The following USP42 variants were observed in gnomAD, a reference collection of about 807,000 sequenced individuals.
The protein encoded by USP42 is ubiquitin specific peptidase 42, also known as ubiquitin carboxyl-terminal hydrolase 42.
In USP42, 23 loss-of-function variants were observed where a neutral mutation model predicts 113.0. The ratio of observed to expected loss-of-function variants is 0.20; its 90% CI spans 0.15 to 0.29. The LOEUF is 0.29. Ranked by LOEUF, USP42 falls within the 10% of genes least tolerant of loss-of-function variation. The pLI is 1.00. For missense variants in USP42, 2,174 were observed against 1,779.8 expected, an observed-to-expected ratio of 1.22 and a Z score of -3.99; for synonymous variants, 933 against 699.0, an observed-to-expected ratio of 1.33 and a Z score of -5.28.
chr7:6,147,189 AG>A (rs763083809), intron 11 of USP42, among the ~76,000 whole-genome samples: 5 of 152,338 alleles, frequency 3.3e-5, no homozygotes, highest in South Asian at 4.1e-4. Flanking sequence ...GGCCAAGTTG[AG>A]GGGTAGGATT....
intron 3 of USP42, among the ~76,000 whole-genome samples, chr7:6,119,712 T>G (rs1256098921): frequency 6.7e-6 from 1 of 149,610 alleles, no homozygotes; most frequent in Non-Finnish European, 1.5e-5. Flanking sequence ...TGTTGTTTTG[T>G]TTTTTTTTAG....
At position 6,155,640 on chromosome 7, in the gene USP42, C is replaced by CAT. The variant is rs575639350; in HGVS notation, c.3641+446_3641+447insTA. Among the ~76,000 whole-genome samples the CAT allele has an allele frequency of 2.9e-4, 44 of 152,322 alleles. No homozygotes were observed. The East Asian group carries it at 7.3e-3, about 25-fold the overall frequency. On this transcript the variant is annotated intron_variant, in intron 15 of 17. Transcript: ENST00000306177. ...TGTGAGGGAGGCAGACAACAGGAGG[C>CAT]ACACTTTTCCTGTGCCTGCCCGCCT...
intron 9 of USP42, 141 bp from the exon 10 acceptor site, chr7:6,145,375 C>A: frequency 1.1e-6 from 1 of 922,698 alleles, no homozygotes; most frequent in Non-Finnish European, 1.6e-6. Context: ...TTTTTAAATG[C>A]ATTAGGTTTT....
chr7:6,154,081 C>T lies in USP42; in HGVS notation c.2527C>T (p.Pro843Ser), dbSNP rs375556341. 7 of 1,605,688 alleles carry T rather than the reference C, an allele frequency of 4.4e-6. No individual in the cohort carries two copies. In the African/African-American group the frequency reaches 5.3e-5, roughly 12 times the overall value. The change falls in exon 15 of 18, where the codon CCG (proline) becomes TCG (serine). Residue 843 changes from proline to serine, a missense_variant. By Grantham distance (74) the Pro-to-Ser change is moderately conservative. Coordinates refer to ENST00000306177, the MANE Select transcript of USP42 (RefSeq NM_032172.3). Reference sequence around the variant, plus strand: ...CGCAAAGGGGATGATCGCGGAGGGCCCGCGGGACTCGGCGTTGGCGGAAGC... The same window carrying T: ...CGCAAAGGGGATGATCGCGGAGGGCTCGCGGGACTCGGCGTTGGCGGAAGC... Reference protein sequence around the residue: ...QDAKGMIAEGPRDSALAEAPE... With the variant: ...QDAKGMIAEGSRDSALAEAPE...
At chr7:6,148,492 A>C (rs182711617) in intron 12 of USP42, among the ~76,000 whole-genome samples, 79 of 152,326 alleles carry the variant, frequency 5.2e-4, no homozygotes, top group African/African-American at 1.8e-3. Flanking sequence ...GAGATTCTTT[A>C]ATTCCTGTCG....
chr7:6,108,398 T>C (rs998339497), intron 1 of USP42, among the ~76,000 whole-genome samples: 5 of 152,020 alleles, frequency 3.3e-5, no homozygotes, highest in Admixed American at 3.3e-4. Context: ...CCCAGAAAGT[T>C]ATTGTGAGCA....
At chr7:6,153,697 A>G (rs1290932960) in intron 14 of USP42, 59 bp from the exon 15 acceptor site, 14 of 1,409,904 alleles carry the variant, frequency 9.9e-6, no homozygotes, top group South Asian at 6.8e-5. Flanking sequence ...TTGTAATGCA[A>G]TGACATGAGC....
chr7:6,082,321 GGTTTCACTGT>G, the USP42 span, among the ~76,000 whole-genome samples: 1 of 151,888 alleles, frequency 6.6e-6, no homozygotes, highest in African/African-American at 2.4e-5. Context: ...GTAGAGACGG[GGTTTCACTGT>G]GTTAGCCAGG....
At chr7:6,114,517 A>G (rs886122310) in intron 2 of USP42, among the ~76,000 whole-genome samples, 1 of 151,398 alleles carries the variant, frequency 6.6e-6, no homozygotes, top group Non-Finnish European at 1.5e-5. Flanking sequence ...GTATACATCT[A>G]AAGAGTTTTT....
At chr7:6,087,815 C>A in the USP42 span, among the ~76,000 whole-genome samples, 1 of 151,128 alleles carries the variant, frequency 6.6e-6, no homozygotes, top group African/African-American at 2.5e-5. Flanking sequence ...TGTCCCCAGT[C>A]CCCAGAGGAA....
At chr7:6,149,448 T>C in intron 12 of USP42, 135 bp from the exon 13 acceptor site, 1 of 1,110,950 alleles carries the variant, frequency 9.0e-7, no homozygotes, top group Non-Finnish European at 1.2e-6. Flanking sequence ...ACAGAGAACA[T>C]TTCCAGGTGT....
rs192471577 is a variant in USP42, at chr7:6,112,404, C to T, written c.241+1030C>T. ...GCAGAGGTTGCAGTGAGCCCAAGAT[C>T]GCACCATTGCATTTCAGCCTGGGCA... On this transcript the variant is annotated intron_variant, in intron 2 of 17. Coordinates refer to ENST00000306177, the MANE Select transcript of USP42 (RefSeq NM_032172.3). Among the ~76,000 whole-genome samples the T allele has an allele frequency of 1.9e-4, 29 of 151,896 alleles. No homozygotes were observed. In the South Asian group the frequency reaches 5.2e-3, roughly 27 times the overall value.
At position 6,154,993 on chromosome 7, in the gene USP42, C is replaced by G; in HGVS notation, c.3439C>G (p.Leu1147Val). The change falls in exon 15 of 18, where the codon CTC becomes GTC. Residue 1147 changes from leucine to valine, a missense_variant. Transcript: ENST00000306177. Reference protein sequence around the residue: ...TALVAGDNCNLSDRFHEHENG... With the variant: ...TALVAGDNCNVSDRFHEHENG... ...ACTTGTAGCCGGAGACAACTGTAACCTCTCTGATCGGTTTCACGAACACGA... is the reference window on the plus strand; with the variant it reads ...ACTTGTAGCCGGAGACAACTGTAACGTCTCTGATCGGTTTCACGAACACGA... The G allele has an allele frequency of 1.9e-6, 3 of 1,564,380 alleles. No individual in the cohort carries two copies. The highest frequency in any genetic ancestry group is 1.7e-4 in the Middle Eastern group (1 of 6,010).
chr7:6,114,672 A>AT (rs1304916729), intron 2 of USP42, among the ~76,000 whole-genome samples: 764 of 33,548 alleles, frequency 0.023, 30 homozygotes, highest in South Asian at 0.034. Context: ...ATATATATAT[A>AT]TATATATTTT....
chr7:6,093,329 A>G, the USP42 span, among the ~76,000 whole-genome samples: 1 of 146,366 alleles, frequency 6.8e-6, no homozygotes, highest in African/African-American at 2.6e-5. Flanking sequence ...TCTGTTGCCC[A>G]GGCTGGAGTG....
chr7:6,094,857 G>T, the USP42 span, among the ~76,000 whole-genome samples: 38,332 of 148,358 alleles, frequency 0.26, 6,432 homozygotes, highest in East Asian at 0.73. Flanking sequence ...ACGCAATCTC[G>T]GCTCATTGCA....
intron 8 of USP42, 76 bp from the exon 9 acceptor site, chr7:6,144,009 A>G: frequency 1.1e-6 from 1 of 944,174 alleles, no homozygotes; most frequent in Non-Finnish European, 1.5e-6. Flanking sequence ...TGAGAATAGT[A>G]ACAAGAAAGA....
Position 6,111,302 on chromosome 7 carries a change from G to T in USP42, c.169G>T (p.Val57Leu). ...AAATCACACACTTTCTTTAGGACCA[G>T]TACCTGGTGCTGTAGTTTATTCGAG... ...VSNHTLSLGP[V>L]PGAVVYSSSS... Residue 57 changes from valine to leucine, a missense_variant, in exon 2 of 18, where the codon GTA becomes TTA. Coordinates refer to ENST00000306177, the MANE Select transcript of USP42 (RefSeq NM_032172.3). 6.2e-7 allele frequency: 1 copy of T among 1,608,468 alleles called. No homozygotes were observed.
chr7:6,081,490 G>A, the USP42 span, among the ~76,000 whole-genome samples: 1 of 152,198 alleles, frequency 6.6e-6, no homozygotes, highest in African/African-American at 2.4e-5. Flanking sequence ...CACAGCCATT[G>A]CCGTCCACCC....
Sources: allele counts gnomAD v4.1 joint callset (sites outside exome capture counted in the v4.1 genomes callset), GRCh38; gene constraint gnomAD v4.1.1; transcripts MANE v1.5; gene names NCBI Gene and HGNC (gene_info 2026-07-23, HGNC 2026-07-21).